Variants in KIF14 observed in about 807,000 individuals in gnomAD.
KIF14 encodes kinesin family member 14.
A neutral mutation model predicts 176.2 loss-of-function variants in KIF14; 98 were observed. The observed-to-expected ratio is 0.56, with a 90% CI of 0.47 to 0.66. The LOEUF (loss-of-function observed/expected upper bound fraction) is 0.66. KIF14 is among the 30% of genes least tolerant of loss of function. The pLI is 0.00. For missense variants in KIF14, 1,751 were observed against 1,920.4 expected (o/e 0.91, Z 1.65); for synonymous variants, 566 against 632.2 (o/e 0.90, Z 1.57).
At chr1:200,612,090 C>T (rs2102768019) in intron 4 of KIF14, among the ~76,000 whole-genome samples, 1 of 151,964 alleles carries the variant, frequency 6.6e-6, no homozygotes, top group South Asian at 2.1e-4. Flanking sequence ...GCAATGTCCG[C>T]CTCCAGGGTT....
chr1:200,595,127 ATTCC>A lies in KIF14; in HGVS notation c.2550-1362_2550-1359del, dbSNP rs1659262720. On this transcript the variant is annotated intron_variant, in intron 14 of 29. Transcript: ENST00000367350. ...TCAGCTTTCCTCCTTTCCTTGAGTC[ATTCC>A]TTCCAGATAGGACATCCTCTCCCTT... 2.6e-5 allele frequency among the ~76,000 whole-genome samples: 4 copies of A among 152,152 alleles called. No individual in the cohort carries two copies. In the South Asian group the frequency reaches 8.3e-4, roughly 32 times the overall value.
At chr1:200,607,744 C>T (rs558929765) in intron 5 of KIF14, among the ~76,000 whole-genome samples, 46 of 152,134 alleles carry the variant, frequency 3.0e-4, no homozygotes, top group Admixed American at 5.2e-4. Flanking sequence ...GCTCTGTCGC[C>T]AGGCTGGAGT....
Position 200,553,540 on chromosome 1 carries a change from G to T in KIF14, c.4795C>A (p.Gln1599Lys), listed in dbSNP as rs1656665557. ...DLLKPWETYN[Q>K]NTKEEHQQSK... Reference sequence around the variant, plus strand: ...TGTTGGTGTTCTTCTTTGGTATTTTGATTATAAGTTTCCCAGGGTTTCAAC... The same window carrying T: ...TGTTGGTGTTCTTCTTTGGTATTTTTATTATAAGTTTCCCAGGGTTTCAAC... Residue 1599 changes from glutamine to lysine, a missense_variant, in exon 30 of 30, where the codon CAA becomes AAA. Transcript: ENST00000367350. 10 of 1,613,932 alleles carry T rather than the reference G, an allele frequency of 6.2e-6. No homozygotes were observed. The highest frequency in any genetic ancestry group is 1.3e-5 in the African/African-American group (1 of 74,944).
Position 200,569,929 on chromosome 1 carries a change from G to A in KIF14, c.3643C>T (p.His1215Tyr), listed in dbSNP as rs893295380. The part of the protein sequence containing the change: ...DIQVHPIKNL[H>Y]SSHSSGLMDK... ...AAAATACCTGATGAATGTGAAGAAT[G>A]CAAATTCTTAATTGGATGGACTTGT... The change falls in exon 23 of 30, where the codon CAT (histidine) becomes TAT (tyrosine). Residue 1215 changes from histidine (H) to tyrosine (Y), a missense_variant. Transcript: ENST00000367350. 2 of 1,590,672 alleles carry A rather than the reference G, an allele frequency of 1.3e-6. No homozygotes were observed. Among genetic ancestry groups the A allele is most frequent in the Non-Finnish European group, 1.7e-6 (2 of 1,162,924 alleles).
intron 4 of KIF14, 46 bp from the exon 5 acceptor site, chr1:200,608,974 C>T: frequency 9.2e-7 from 1 of 1,088,430 alleles, no homozygotes; most frequent in South Asian, 1.4e-5. Flanking sequence ...TGATGTTTTG[C>T]AAATCATATC....
chr1:200,578,824 G>T (rs185782848), intron 21 of KIF14, among the ~76,000 whole-genome samples: 1 of 152,324 alleles, frequency 6.6e-6, no homozygotes, highest in Non-Finnish European at 1.5e-5. Flanking sequence ...AGGCGTGGTG[G>T]CTCACACCTG....
Position 200,617,880 on chromosome 1 carries a change from TAC to T in KIF14, c.842_843del (p.Cys281TyrfsTer16). The stretch of plus-strand genomic sequence containing the variant: ...TTTGTTGTCAGTTTGTGTTCTGTTG[TAC>T]ATTTTGTAGGTGTTCTTTTTTCTAA... ...GSLEKRTPTK[C>X]TTEHKLTTKC... is the part of the protein sequence containing the mutation. On this transcript the variant is annotated frameshift_variant, in exon 2 of 30. Transcript: ENST00000367350. LOFTEE classifies it high-confidence loss of function. 1 of 1,614,190 alleles carries T rather than the reference TAC, an allele frequency of 6.2e-7. No individual in the cohort carries two copies. The highest frequency in any genetic ancestry group is 8.5e-7 in the Non-Finnish European group (1 of 1,180,030).
intron 10 of KIF14, among the ~76,000 whole-genome samples, chr1:200,602,719 T>C (rs1173460495): frequency 6.6e-6 from 1 of 152,222 alleles, no homozygotes; most frequent in African/African-American, 2.4e-5. Flanking sequence ...ACAGATGTAA[T>C]CTGAATGTAA....
At chr1:200,577,790 G>A (rs1249034213) in intron 21 of KIF14, among the ~76,000 whole-genome samples, 1 of 139,012 alleles carries the variant, frequency 7.2e-6, no homozygotes, top group Non-Finnish European at 1.6e-5. Flanking sequence ...TTGTTTGTTT[G>A]TTTTTAATCA....
At chr1:200,566,376 A>G (rs886285312) in intron 23 of KIF14, among the ~76,000 whole-genome samples, 1 of 150,800 alleles carries the variant, frequency 6.6e-6, no homozygotes, top group Non-Finnish European at 1.5e-5. Flanking sequence ...GCAGATCACG[A>G]GGTCAGGAGA....
chr1:200,573,844 G>A (rs1160959994), intron 22 of KIF14, among the ~76,000 whole-genome samples: 1 of 152,196 alleles, frequency 6.6e-6, no homozygotes, highest in African/African-American at 2.4e-5. Context: ...AATGGATTTT[G>A]ATCTGCAGCT....
chr1:200,606,578 G>C (rs1378344811), intron 6 of KIF14, among the ~76,000 whole-genome samples, 168 bp downstream of exon 6: 1 of 152,090 alleles, frequency 6.6e-6, no homozygotes, highest in African/African-American at 2.4e-5. Context: ...TATGGAAAGA[G>C]AGGGAAAACC....
rs1204166796 is a variant in KIF14 at position 200,590,657 on chromosome 1, AACAAAT to A, written c.2814-391_2814-386del. ...GGAGAGAGGAGAATGGCTATTGTTT[AACAAAT>A]ACAGAGTTTCAGTTTGGAATAATAA... On this transcript the variant is annotated intron_variant, in intron 16 of 29. Transcript: ENST00000367350. Among the ~76,000 whole-genome samples the A allele has an allele frequency of 3.3e-5, 5 of 152,352 alleles. No homozygotes were observed. In the East Asian group the frequency reaches 7.7e-4, roughly 23 times the overall value.
chr1:200,601,376 T>C (rs1659616804), intron 11 of KIF14, among the ~76,000 whole-genome samples: 1 of 152,170 alleles, frequency 6.6e-6, no homozygotes, highest in African/African-American at 2.4e-5. Context: ...TCAGCAAAGA[T>C]AAAACTGTAC....
At position 200,618,573 on chromosome 1, in the gene KIF14, C is replaced by A. The variant is rs141578394; in HGVS notation, c.151G>T (p.Asp51Tyr). 7 of 1,613,974 alleles carry A rather than the reference C, an allele frequency of 4.3e-6. No individual in the cohort carries two copies. The African/African-American group carries it at 8.0e-5, about 18-fold the overall frequency. The change falls in exon 2 of 30, where the codon GAT becomes TAT. Residue 51 changes from aspartate to tyrosine, a missense_variant. Transcript: ENST00000367350. ...TTACCTGCAGATCTCAATAATGGAT[C>A]ATCATTTTCACATTCTGACATATCC... ...KSDMSECEND[D>Y]PLLRSAGKVR...
chr1:200,560,577 A>G, intron 26 of KIF14, 145 bp downstream of exon 26: 2 of 887,830 alleles, frequency 2.3e-6, no homozygotes, highest in South Asian at 3.7e-5. Context: ...CGGCCCAAAC[A>G]GTTTTAAATC....
At chr1:200,558,596 C>A (rs1211089827) in intron 27 of KIF14, among the ~76,000 whole-genome samples, 1 of 152,092 alleles carries the variant, frequency 6.6e-6, no homozygotes, top group Non-Finnish European at 1.5e-5. Context: ...TGACAAAGTA[C>A]AAACCCATTA....
chr1:200,618,174 C>T lies in KIF14; in HGVS notation c.550G>A (p.Asp184Asn). The change falls in exon 2 of 30, where the codon GAT (aspartate) becomes AAT (asparagine). Residue 184 changes from aspartate to asparagine, a missense_variant. By Grantham distance (23) the Asp-to-Asn change is conservative. Coordinates refer to ENST00000367350, the MANE Select transcript of KIF14 (RefSeq NM_014875.3). ...FVASSVPLDE[D>N]PQVIEMMADK... ...GCCATCATTTCAATGACCTGTGGAT[C>T]TTCATCTAAAGGTACAGAAGAGGCA... 1.2e-6 allele frequency: 2 copies of T among 1,613,682 alleles called. No homozygotes were observed. Among genetic ancestry groups the T allele is most frequent in the South Asian group, 1.1e-5 (1 of 91,078 alleles).
chr1:200,592,893 C>T (rs986350755), intron 15 of KIF14, among the ~76,000 whole-genome samples: 1 of 152,088 alleles, frequency 6.6e-6, no homozygotes, highest in African/African-American at 2.4e-5. Context: ...GCAACTATAA[C>T]ACAATGGTAA....
Sources: allele counts gnomAD v4.1 joint callset (sites outside exome capture counted in the v4.1 genomes callset), GRCh38; gene constraint gnomAD v4.1.1; transcripts MANE v1.5; gene names NCBI Gene and HGNC (gene_info 2026-07-23, HGNC 2026-07-21).